Variants in SV2B observed in about 807,000 individuals in gnomAD.
SV2B encodes solute carrier family 22 member B2.
A neutral mutation model predicts 73.9 loss-of-function variants in SV2B; 41 were observed. That is an observed-to-expected ratio of 0.56 (90% confidence interval 0.43 to 0.72). The LOEUF is 0.72. SV2B is among the 30% of genes least tolerant of loss of function. The pLI, the probability that SV2B is intolerant of heterozygous loss-of-function variation, is 0.00. For missense variants in SV2B, 764 were observed against 857.8 expected, an observed-to-expected ratio of 0.89 and a Z score of 1.37; for synonymous variants, 314 against 314.2, an observed-to-expected ratio of 1.00 and a Z score of 0.01.
At chr15:91,216,691 G>A (rs1020168693) in intron 1 of SV2B, among the ~76,000 whole-genome samples, 6 of 151,314 alleles carry the variant, frequency 4.0e-5, no homozygotes, top group Non-Finnish European at 7.4e-5. Context: ...GGCTGGTCTC[G>A]AACTTCCAAC....
At position 91,136,496 on chromosome 15, in the gene SV2B, G is replaced by C. The variant is rs971590621; in HGVS notation, c.-392+36133G>C. Among the ~76,000 whole-genome samples, 3 of 152,228 alleles carry C rather than the reference G, an allele frequency of 2.0e-5. No homozygotes were observed. The South Asian group carries it at 6.2e-4, about 31-fold the overall frequency. ...CATGCGTCTCGGGTGCTTTGTCCCA[G>C]GGAGAGAACTGTGCGGCGGAGTAAG... On this transcript the variant is annotated intron_variant, in intron 1 of 12. Coordinates refer to ENST00000394232, the MANE Select transcript of SV2B (RefSeq NM_001323032.3). The surrounding 1 kb of genome is among the most constrained non-coding windows in gnomAD (Gnocchi z 5.6).
rs1439407432 is a variant in SV2B at position 91,268,210 on chromosome 15, A to G, written c.1209-231A>G. Among the ~76,000 whole-genome samples the G allele has an allele frequency of 2.6e-5, 4 of 152,246 alleles. No individual in the cohort carries two copies. Among genetic ancestry groups the G allele is most frequent in the Non-Finnish European group, 5.9e-5 (4 of 68,044 alleles). ...CAACCCCTAATCTATTGGTGTTTGT[A>G]TCAGGAAAACATTTCTTTTAAATCA... is the stretch of plus-strand genomic sequence containing the variant. On this transcript the variant is annotated intron_variant, in intron 8 of 12. Coordinates refer to ENST00000394232, the MANE Select transcript of SV2B (RefSeq NM_001323032.3). The surrounding 1 kb of genome is among the most constrained non-coding windows in gnomAD (Gnocchi z 4.4).
At chr15:91,219,076 G>C (rs768980111) in intron 1 of SV2B, among the ~76,000 whole-genome samples, 38 of 152,084 alleles carry the variant, frequency 2.5e-4, no homozygotes, top group African/African-American at 4.8e-5. Flanking sequence ...AGCCTCCCTA[G>C]TAGCTGGCAC....
In SV2B at chr15:91,271,849, C is replaced by T. The variant is rs542983572; in HGVS notation, c.1373+3244C>T. 3.9e-5 allele frequency among the ~76,000 whole-genome samples: 6 copies of T among 152,266 alleles called. No homozygotes were observed. In the South Asian group the frequency reaches 1.2e-3, roughly 32 times the overall value. ...TGAATACACGCGTGTTCTTTGGCTT[C>T]CTTGGGGGCATTTCTTCTATCCTTA... On this transcript the variant is annotated intron_variant, in intron 9 of 12. Coordinates refer to ENST00000394232, the MANE Select transcript of SV2B (RefSeq NM_001323032.3).
chr15:91,206,852 G>T (rs976812857), intron 1 of SV2B, among the ~76,000 whole-genome samples: 1 of 152,138 alleles, frequency 6.6e-6, no homozygotes, highest in Admixed American at 6.5e-5. Context: ...CAACAGAGAA[G>T]TTTGAAGGCT....
chr15:91,123,839 T>A lies in SV2B; in HGVS notation c.-392+23476T>A. Among the ~76,000 whole-genome samples the A allele has an allele frequency of 6.6e-6, 1 of 151,922 alleles. No homozygotes were observed. Among genetic ancestry groups the A allele is most frequent in the East Asian group, 1.9e-4 (1 of 5,174 alleles). On this transcript the variant is annotated intron_variant, in intron 1 of 12. Transcript: ENST00000394232. This position sits in a 1 kb window ranked among gnomAD's most constrained non-coding sequence, Gnocchi z 4.7. ...GGCAGGATTTGACAGTTTGGAAAAA[T>A]CAGACAAGTGATCTCCAGGGGAGAT...
At position 91,227,458 on chromosome 15, in the gene SV2B, G is replaced by A. The variant is rs1438593058; in HGVS notation, c.451+744G>A. Among the ~76,000 whole-genome samples, 2 of 152,194 alleles carry A rather than the reference G, an allele frequency of 1.3e-5. No homozygotes were observed. The highest frequency in any genetic ancestry group is 2.9e-5 in the Non-Finnish European group (2 of 68,034). On this transcript the variant is annotated intron_variant, in intron 2 of 12. Transcript: ENST00000394232. The surrounding 1 kb of genome is among the most constrained non-coding windows in gnomAD (Gnocchi z 4.5). ...AAAAGATTCATCATCATATGGACAA[G>A]CATTTGTCTTTAGTCACCAAATGTC...
intron 1 of SV2B, among the ~76,000 whole-genome samples, chr15:91,135,101 G>A (rs1043624186): frequency 2.0e-5 from 3 of 151,250 alleles, no homozygotes; most frequent in South Asian, 2.1e-4. Context: ...CCCAGCTCAC[G>A]TGATCCTCCC....
rs139920854 is a variant in SV2B, at chr15:91,165,571, C to T, written c.-391-60302C>T. Among the ~76,000 whole-genome samples the T allele has an allele frequency of 7.8e-3, 1,188 of 152,212 alleles. 16 individuals carry two copies. Among genetic ancestry groups the T allele is most frequent in the African/African-American group, 0.027 (1,129 of 41,534 alleles). On this transcript the variant is annotated intron_variant, in intron 1 of 12. Coordinates refer to ENST00000394232, the MANE Select transcript of SV2B (RefSeq NM_001323032.3). ...GAGCATCTGTGGATTTTGGTATCCA[C>T]GGAGGGTGTCCTAGAACTAATCCTC... is the stretch of plus-strand genomic sequence containing the variant.
rs117887116 is a variant in SV2B at position 91,211,208 on chromosome 15, G to A, written c.-391-14665G>A. ...GGAACTGAGGTGAGAGCTGTGCTAA[G>A]GCAGTGCCAGTGGAATGGAGTGAAG... is the stretch of plus-strand genomic sequence containing the variant. On this transcript the variant is annotated intron_variant, in intron 1 of 12. Coordinates refer to ENST00000394232, the MANE Select transcript of SV2B (RefSeq NM_001323032.3). 8.2e-3 allele frequency among the ~76,000 whole-genome samples: 1,252 copies of A among 152,332 alleles called. 7 individuals carry two copies. Among genetic ancestry groups the A allele is most frequent in the Middle Eastern group, 0.024 (7 of 294 alleles).
intron 1 of SV2B, among the ~76,000 whole-genome samples, chr15:91,154,121 CAATAT>C (rs1175291890): frequency 2.1e-5 from 3 of 145,226 alleles, no homozygotes; most frequent in African/African-American, 7.5e-5. Flanking sequence ...TATTTTATAT[CAATAT>C]ATTAATATTT....
At chr15:91,260,667 G>T in intron 6 of SV2B, among the ~76,000 whole-genome samples, 1 of 152,148 alleles carries the variant, frequency 6.6e-6, no homozygotes, top group East Asian at 1.9e-4. Context: ...TTGGAAGGCT[G>T]TATTAGTCCA....
At chr15:91,165,551 T>C (rs144103590) in intron 1 of SV2B, among the ~76,000 whole-genome samples, 189 of 152,330 alleles carry the variant, frequency 1.2e-3, no homozygotes, top group African/African-American at 4.5e-3. Context: ...AACTTGAGCA[T>C]CTGTGGATTT....
chr15:91,127,476 G>T (rs1164808856), intron 1 of SV2B, among the ~76,000 whole-genome samples: 2 of 152,036 alleles, frequency 1.3e-5, no homozygotes, highest in African/African-American at 4.8e-5. Flanking sequence ...TGACGGCACT[G>T]TCCGGCCGCT....
At chr15:91,209,438 A>G (rs1240241576) in intron 1 of SV2B, among the ~76,000 whole-genome samples, 1 of 152,106 alleles carries the variant, frequency 6.6e-6, no homozygotes, top group Non-Finnish European at 1.5e-5. Context: ...ACTAGTTTTG[A>G]TGGCTTAAGC....
chr15:91,189,774 G>A (rs1004753081), intron 1 of SV2B, among the ~76,000 whole-genome samples: 9 of 152,230 alleles, frequency 5.9e-5, no homozygotes, highest in Admixed American at 3.9e-4. Context: ...GGATCACGAG[G>A]TCAGGAGATC....
At position 91,292,569 on chromosome 15, in the gene SV2B, G is replaced by C; in HGVS notation, c.*17G>C. On this transcript the variant is annotated 3_prime_UTR_variant, in exon 13 of 13. Coordinates refer to ENST00000394232, the MANE Select transcript of SV2B (RefSeq NM_001323032.3). ...CTGATGTGAACAACCTATGGGAAAAGGAAAGGTCGAGAGAATCTTGTCCAG... is the reference window on the plus strand; with the variant it reads ...CTGATGTGAACAACCTATGGGAAAACGAAAGGTCGAGAGAATCTTGTCCAG... 1 of 1,603,970 alleles carries C rather than the reference G, an allele frequency of 6.2e-7. No homozygotes were observed.
intron 1 of SV2B, among the ~76,000 whole-genome samples, chr15:91,168,332 A>AGAGAGAGAGAG (rs1567308862): frequency 8.9e-5 from 7 of 78,318 alleles, no homozygotes; most frequent in African/African-American, 2.6e-4. Flanking sequence ...GAGAGAGAGA[A>AGAGAGAGAGAG]AAGAAATTTC....
At chr15:91,181,901 A>G (rs1026973847) in intron 1 of SV2B, among the ~76,000 whole-genome samples, 2 of 152,192 alleles carry the variant, frequency 1.3e-5, no homozygotes, top group South Asian at 2.1e-4. Context: ...TATGTGCAGT[A>G]TATATCTAGA....
Sources: allele counts gnomAD v4.1 joint callset (sites outside exome capture counted in the v4.1 genomes callset), GRCh38; gene constraint gnomAD v4.1.1; non-coding constraint Gnocchi (gnomAD v3.1); transcripts MANE v1.5; gene names NCBI Gene and HGNC (gene_info 2026-07-23, HGNC 2026-07-21).